Variants in TTC6 observed in about 807,000 individuals in gnomAD.
The protein encoded by TTC6 is tetratricopeptide repeat protein 6.
TTC6 carries 172 observed loss-of-function variants against 210.4 expected under a neutral mutation model. That is an observed-to-expected ratio of 0.82 (90% CI 0.72 to 0.93). The LOEUF (loss-of-function observed/expected upper bound fraction) is 0.93. Ranked by LOEUF, TTC6 falls within the 40% of genes least tolerant of loss-of-function variation. The pLI, the probability that TTC6 is intolerant of heterozygous loss-of-function variation, is 0.00. For missense variants in TTC6, 2,414 were observed against 2,318.1 expected (o/e 1.04, Z -0.85); for synonymous variants, 804 against 819.6 (o/e 0.98, Z 0.32).
At chr14:37,769,445 G>A (rs1595229621) in intron 14 of TTC6, among the ~76,000 whole-genome samples, 2 of 152,146 alleles carry the variant, frequency 1.3e-5, no homozygotes, top group South Asian at 2.1e-4. Context: ...ACTCTTTTTG[G>A]TTGGTAAGCT....
intron 5 of TTC6, among the ~76,000 whole-genome samples, chr14:37,707,886 T>C (rs189863411): frequency 6.6e-6 from 1 of 152,204 alleles, no homozygotes; most frequent in East Asian, 1.9e-4. Flanking sequence ...AGATCTTAAG[T>C]AGGAGAACCA....
chr14:37,720,511 G>T (rs905937897), intron 6 of TTC6: 1 of 149,278 alleles, frequency 6.7e-6, no homozygotes, highest in African/African-American at 2.5e-5. Context: ...TTGAACCATT[G>T]CTCAGCCTCC....
chr14:37,828,246 T>A (rs1233654549), intron 29 of TTC6, among the ~76,000 whole-genome samples: 1 of 152,128 alleles, frequency 6.6e-6, no homozygotes, highest in Non-Finnish European at 1.5e-5. Flanking sequence ...ATAATGCATT[T>A]ACATGATTCA....
chr14:37,840,649 T>C (rs1407482840), intron 29 of TTC6, among the ~76,000 whole-genome samples: 1 of 152,178 alleles, frequency 6.6e-6, no homozygotes, highest in Non-Finnish European at 1.5e-5. Context: ...TATCCACACA[T>C]GATCAAGTTG....
chr14:37,660,215 C>T (rs1450568071), intron 1 of TTC6, among the ~76,000 whole-genome samples: 2 of 151,714 alleles, frequency 1.3e-5, no homozygotes, highest in African/African-American at 4.8e-5. Flanking sequence ...GGTTGTCTTC[C>T]AGGGTTTTTT....
At position 37,806,352 on chromosome 14, in the gene TTC6, C is replaced by T. The variant is rs1222847607; in HGVS notation, c.4165-9C>T. 1 of 1,532,516 alleles carries T rather than the reference C, an allele frequency of 6.5e-7. No individual in the cohort carries two copies. The highest frequency in any genetic ancestry group is 8.7e-7 in the Non-Finnish European group (1 of 1,144,936). The allele number at this position is 1,532,516 out of a possible 1,614,324, so 94.9% of individuals were successfully genotyped here. On this transcript the variant is annotated splice_polypyrimidine_tract_variant and intron_variant, in intron 21 of 30. Transcript: ENST00000553443. ...AAATGGTTTGCATTTTGACAATATGCTCCTGTAGGCTTTTGATTCTTTTAC... is the reference window on the plus strand; with the variant it reads ...AAATGGTTTGCATTTTGACAATATGTTCCTGTAGGCTTTTGATTCTTTTAC...
intron 29 of TTC6, among the ~76,000 whole-genome samples, chr14:37,829,509 C>T (rs537858022): frequency 2.1e-3 from 325 of 152,006 alleles, no homozygotes; most frequent in African/African-American, 7.5e-3. Flanking sequence ...GTAAACTCCT[C>T]CTCTCTCTCA....
At chr14:37,700,329 A>G (rs998524827) in intron 4 of TTC6, among the ~76,000 whole-genome samples, 1 of 152,160 alleles carries the variant, frequency 6.6e-6, no homozygotes, top group African/African-American at 2.4e-5. Flanking sequence ...TACCTCCAAT[A>G]CAGCTTCGTT....
Position 37,751,230 on chromosome 14 carries a change from G to A in TTC6, c.3129+5G>A. On this transcript the variant is annotated splice_donor_5th_base_variant and intron_variant, in intron 13 of 30. Coordinates refer to ENST00000553443, the Ensembl canonical transcript of TTC6. ...GCCATTGATGACTTTTCGAAAGTAA[G>A]CTTTATCACATATAATTCTACCATT... is the stretch of plus-strand genomic sequence containing the variant. 1 of 1,514,910 alleles carries A rather than the reference G, an allele frequency of 6.6e-7. No homozygotes were observed. 93.8% of individuals were successfully genotyped at this position (1,514,910 alleles called of 1,614,324 possible). A position where few individuals can be genotyped will look rare whatever the true frequency, so the allele number is the denominator to read the frequency against.
At chr14:37,662,207 G>C (rs949445880) in intron 1 of TTC6, among the ~76,000 whole-genome samples, 9 of 152,174 alleles carry the variant, frequency 5.9e-5, no homozygotes, top group Non-Finnish European at 8.8e-5. Flanking sequence ...GGAGTGGTGA[G>C]AGAGGGCATC....
chr14:37,792,272 C>A, exon 17 of TTC6: 1 of 1,506,942 alleles, frequency 6.6e-7, no homozygotes, highest in Non-Finnish European at 8.8e-7. Flanking sequence ...AGAACTATTA[C>A]TTTGGCTTAT....
intron 6 of TTC6, among the ~76,000 whole-genome samples, chr14:37,723,091 G>A (rs1460348357): frequency 2.0e-5 from 3 of 151,792 alleles, no homozygotes; most frequent in African/African-American, 7.3e-5. Flanking sequence ...TTTGATCTTT[G>A]GCCATTGGGA....
chr14:37,602,005 G>C (rs957884359), intron 1 of TTC6, among the ~76,000 whole-genome samples: 4 of 152,244 alleles, frequency 2.6e-5, no homozygotes, highest in South Asian at 2.1e-4. Context: ...AAATAAAGCC[G>C]AGCCCACGTA....
At chr14:37,752,276 A>T (rs11850671) in intron 13 of TTC6, among the ~76,000 whole-genome samples, 2,404 of 152,190 alleles carry the variant, frequency 0.016, 60 homozygotes, top group African/African-American at 0.055. Context: ...TTATTTAAAT[A>T]ATTTAAGTTT....
rs760021340 is a variant in TTC6, at chr14:37,598,569, G to A, written c.-235+2561G>A. 6.6e-6 allele frequency among the ~76,000 whole-genome samples: 1 copy of A among 152,218 alleles called. No individual in the cohort carries two copies. The highest frequency in any genetic ancestry group is 1.5e-5 in the Non-Finnish European group (1 of 68,038). On this transcript the variant is annotated intron_variant, in intron 1 of 2. Transcript: ENST00000556845. The surrounding 1 kb of genome is among the most constrained non-coding windows in gnomAD (Gnocchi z 4.9). Reference sequence around the variant, plus strand: ...CTGCCTCAGCTTACACTTCCCAGCAGGATCTGGCTGGGAGCCCCTTCCTCA... The same window carrying A: ...CTGCCTCAGCTTACACTTCCCAGCAAGATCTGGCTGGGAGCCCCTTCCTCA...
At chr14:37,700,118 T>G (rs1306984884) in intron 4 of TTC6, among the ~76,000 whole-genome samples, 1 of 152,082 alleles carries the variant, frequency 6.6e-6, no homozygotes, top group Non-Finnish European at 1.5e-5. Context: ...CTGATTGGAT[T>G]GGATTTGATT....
chr14:37,717,663 T>C (rs1178078954), intron 6 of TTC6, among the ~76,000 whole-genome samples: 1 of 152,072 alleles, frequency 6.6e-6, no homozygotes, highest in Non-Finnish European at 1.5e-5. Context: ...ACAATCTCTT[T>C]CAGAAAATAA....
At chr14:37,609,751 G>A (rs1235735989) in intron 2 of TTC6, among the ~76,000 whole-genome samples, 2 of 151,860 alleles carry the variant, frequency 1.3e-5, no homozygotes, top group African/African-American at 4.8e-5. Context: ...TATTATTTTT[G>A]TGCAGCATTC....
intron 1 of TTC6, among the ~76,000 whole-genome samples, chr14:37,602,603 C>T (rs973324356): frequency 6.6e-6 from 1 of 152,156 alleles, no homozygotes; most frequent in African/African-American, 2.4e-5. Flanking sequence ...GTTCCTCCCA[C>T]CCCCACTGTC....
Sources: gnomAD v4.1 joint callset for allele counts (sites outside exome capture counted in the v4.1 genomes callset) on GRCh38, gnomAD v4.1.1 for gene constraint, Gnocchi (gnomAD v3.1) non-coding constraint, MANE v1.5 for transcripts, NCBI Gene and HGNC (gene_info 2026-07-23, HGNC 2026-07-21) for gene names.